GPR63: variants seen among roughly 807,000 people sequenced by gnomAD.
The protein encoded by GPR63 is G protein-coupled receptor 63.
Under a neutral mutation model 23.1 loss-of-function variants are expected in GPR63, and 12 were observed. The observed-to-expected ratio is 0.52, with a 90% CI of 0.33 to 0.84. GPR63 has a LOEUF of 0.84. GPR63 is among the 40% of genes least tolerant of loss of function. GPR63 has a pLI of 0.02. For missense variants in GPR63, 472 were observed against 515.6 expected (o/e 0.92, Z 0.82); for synonymous variants, 172 against 191.1 (o/e 0.90, Z 0.82).
chr6:96,819,212 A>G (rs1480741696), intron 1 of GPR63, among the ~76,000 whole-genome samples: 4 of 152,238 alleles, frequency 2.6e-5, no homozygotes, highest in Non-Finnish European at 4.4e-5. Flanking sequence ...ATAAAGACAC[A>G]TGTACACATA....
chr6:96,799,651 C>G lies in GPR63; in HGVS notation c.81G>C (p.Met27Ile), dbSNP rs1360195514. ...TTFVVYENTY[M>I]NITLPPPFQH... ...GGAATGGTGGAGGGAGTGTAATATT[C>G]ATGTAGGTGTTTTCATACACGACAA... Residue 27 changes from methionine to isoleucine, a missense_variant, in exon 2 of 2, where the codon ATG becomes ATC. Physicochemically the swap from Met to Ile is conservative, Grantham distance 10. Coordinates refer to ENST00000229955, the MANE Select transcript of GPR63 (RefSeq NM_030784.4). 1.2e-6 allele frequency: 2 copies of G among 1,613,970 alleles called. No homozygotes were observed. Among genetic ancestry groups the G allele is most frequent in the African/African-American group, 2.7e-5 (2 of 74,896 alleles).
At chr6:96,832,302 T>C (rs1433019424) in intron 1 of GPR63, among the ~76,000 whole-genome samples, 1 of 152,180 alleles carries the variant, frequency 6.6e-6, no homozygotes. Flanking sequence ...TCTTTCTCTG[T>C]TGTCCTGGCT....
intron 1 of GPR63, among the ~76,000 whole-genome samples, chr6:96,802,493 A>T (rs1230076052): frequency 6.6e-6 from 1 of 152,096 alleles, no homozygotes; most frequent in Non-Finnish European, 1.5e-5. Context: ...CCAAAAGGAC[A>T]AGAGGTATAA....
intron 1 of GPR63, among the ~76,000 whole-genome samples, chr6:96,816,087 ATTC>A (rs1774156138): frequency 6.6e-6 from 1 of 152,224 alleles, no homozygotes; most frequent in African/African-American, 2.4e-5. Flanking sequence ...AAATGCATGG[ATTC>A]TTATTTGTTA....
intron 1 of GPR63, among the ~76,000 whole-genome samples, chr6:96,804,441 A>T (rs1462807382): frequency 6.6e-6 from 1 of 152,198 alleles, no homozygotes; most frequent in Admixed American, 6.5e-5. Context: ...CCCTACGACC[A>T]CTATGCTTTG....
Position 96,818,089 on chromosome 6 carries a change from AAT to A in GPR63, c.-150-18210_-150-18209del, listed in dbSNP as rs75767405. Among the ~76,000 whole-genome samples, 98 of 152,104 alleles carry A rather than the reference AAT, an allele frequency of 6.4e-4. No individual in the cohort carries two copies. In the East Asian group the frequency reaches 0.017, roughly 27 times the overall value. On this transcript the variant is annotated intron_variant, in intron 1 of 1. Transcript: ENST00000229955. Reference sequence around the variant, plus strand: ...AAATGCCAATGATATTCTTCATAGAAATATTTTTTAAAATGCTAAAATTTCTA... The same window carrying A: ...AAATGCCAATGATATTCTTCATAGAAATTTTTTAAAATGCTAAAATTTCTA...
intron 1 of GPR63, among the ~76,000 whole-genome samples, chr6:96,807,076 A>ACATT (rs1383040805): frequency 1.3e-5 from 2 of 152,260 alleles, no homozygotes; most frequent in African/African-American, 4.8e-5. Flanking sequence ...ATGAAAAACT[A>ACATT]CATTCATTCA....
intron 1 of GPR63, among the ~76,000 whole-genome samples, chr6:96,833,708 A>G (rs1211550278): frequency 6.6e-6 from 1 of 152,246 alleles, no homozygotes; most frequent in Non-Finnish European, 1.5e-5. Context: ...TGTAAAGCTT[A>G]TAACTATAAT....
rs981016596 is a variant in GPR63 at position 96,837,300 on chromosome 6, G to A, written c.-183C>T. 2 of 152,456 alleles carry A rather than the reference G, an allele frequency of 1.3e-5. No individual in the cohort carries two copies. Among genetic ancestry groups the A allele is most frequent in the African/African-American group, 4.8e-5 (2 of 41,466 alleles). The allele number at this position is 152,456 out of a possible 1,614,324, so 9.4% of individuals were successfully genotyped here. On this transcript the variant is annotated 5_prime_UTR_variant, in exon 1 of 2. Transcript: ENST00000229955. ...GAAGGGCAGCGCGCGGGCGCCCGCG[G>A]AAGAGCCCAGGGAGCATGGCTCCAT...
Position 96,797,569 on chromosome 6 carries a change from C to G in GPR63, c.*903G>C, listed in dbSNP as rs938171657. ...AACAATAATACCTACCTCACAACAT[C>G]CTGTAAGGATAAAATGATGCACAGT... On this transcript the variant is annotated 3_prime_UTR_variant, in exon 2 of 2. Transcript: ENST00000229955. 1 of 152,176 alleles carries G rather than the reference C, an allele frequency of 6.6e-6. No homozygotes were observed. Among genetic ancestry groups the G allele is most frequent in the Non-Finnish European group, 1.5e-5 (1 of 68,038 alleles). 9.4% of individuals were successfully genotyped at this position (152,176 alleles called of 1,614,324 possible).
intron 1 of GPR63, among the ~76,000 whole-genome samples, chr6:96,820,734 T>C (rs1202184975): frequency 6.6e-6 from 1 of 152,140 alleles, no homozygotes; most frequent in Non-Finnish European, 1.5e-5. Flanking sequence ...TGCCACTCAC[T>C]TTTTTAACCT....
intron 1 of GPR63, among the ~76,000 whole-genome samples, chr6:96,806,866 T>C (rs967957822): frequency 6.6e-6 from 1 of 152,112 alleles, no homozygotes; most frequent in African/African-American, 2.4e-5. Flanking sequence ...TATGACCAGT[T>C]AACTAAAGAA....
At chr6:96,802,001 C>T (rs773293762) in intron 1 of GPR63, among the ~76,000 whole-genome samples, 2 of 152,112 alleles carry the variant, frequency 1.3e-5, no homozygotes, top group African/African-American at 2.4e-5. Flanking sequence ...ACAAGTCTAC[C>T]TCCATAGAGG....
chr6:96,833,110 G>A (rs1774633143), intron 1 of GPR63, among the ~76,000 whole-genome samples: 1 of 152,184 alleles, frequency 6.6e-6, no homozygotes, highest in Admixed American at 6.5e-5. Context: ...AATGGAGTAG[G>A]AAGACTGTGT....
intron 1 of GPR63, among the ~76,000 whole-genome samples, chr6:96,820,555 T>C (rs1774288648): frequency 6.6e-6 from 1 of 152,182 alleles, no homozygotes; most frequent in African/African-American, 2.4e-5. Flanking sequence ...AATCTCTAGG[T>C]CACCTTTCTG....
At chr6:96,803,889 C>T (rs1408048576) in intron 1 of GPR63, among the ~76,000 whole-genome samples, 3 of 152,132 alleles carry the variant, frequency 2.0e-5, no homozygotes, top group Admixed American at 1.3e-4. Context: ...TCTTTATTTG[C>T]CATTTGTTGG....
At chr6:96,819,764 C>A (rs1283193409) in intron 1 of GPR63, among the ~76,000 whole-genome samples, 10 of 150,492 alleles carry the variant, frequency 6.6e-5, no homozygotes, top group Admixed American at 6.6e-4. Context: ...GGGTAGATCA[C>A]GAGGTCAGGG....
chr6:96,795,746 C>G lies in GPR63; in HGVS notation c.*2726G>C, dbSNP rs949264152. The G allele has an allele frequency of 3.0e-4, 46 of 152,154 alleles. No homozygotes were observed. The highest frequency in any genetic ancestry group is 1.1e-3 in the African/African-American group (44 of 41,440). The allele number at this position is 152,154 out of a possible 1,614,324, so 9.4% of individuals were successfully genotyped here. A position where few individuals can be genotyped will look rare whatever the true frequency, so the allele number is the denominator to read the frequency against. On this transcript the variant is annotated 3_prime_UTR_variant, in exon 2 of 2. Transcript: ENST00000229955. ...CCAGCCAAAAAGGAGTCTTCATGAC[C>G]TATCAATATGTAAGATGAATACAGA...
At position 96,798,655 on chromosome 6, in the gene GPR63, G is replaced by A. The variant is rs774303331; in HGVS notation, c.1077C>T (p.Leu359=). Residue 359 remains leucine (L), a synonymous_variant, in exon 2 of 2, where the codon CTC becomes CTT. Coordinates refer to ENST00000229955, the MANE Select transcript of GPR63 (RefSeq NM_030784.4). Reference sequence around the variant, plus strand: ...GATTCAATGCAGACTTGAGGTAGCAGAGCCACAGTAGCCAGGTGCTAATCT... The same window carrying A: ...GATTCAATGCAGACTTGAGGTAGCAAAGCCACAGTAGCCAGGTGCTAATCT... ...FFEISTWLLW[L]CYLKSALNPL... is the part of the protein sequence containing the mutation. 1 of 1,614,216 alleles carries A rather than the reference G, an allele frequency of 6.2e-7. No individual in the cohort carries two copies. The highest frequency in any genetic ancestry group is 1.7e-5 in the Admixed American group (1 of 60,028).
Sources: allele counts gnomAD v4.1 joint callset (sites outside exome capture counted in the v4.1 genomes callset), GRCh38; gene constraint gnomAD v4.1.1; transcripts MANE v1.5; gene names NCBI Gene and HGNC (gene_info 2026-07-23, HGNC 2026-07-21).